TAFA1: variants seen among roughly 807,000 people sequenced by gnomAD.
TAFA1 encodes chemokine-like protein TAFA-1.
TAFA1 carries 4 observed loss-of-function variants against 18.5 expected under a neutral mutation model. The observed-to-expected ratio is 0.22, with a 90% CI of 0.11 to 0.49. The LOEUF (loss-of-function observed/expected upper bound fraction) is 0.49, where lower values mean the gene tolerates loss of function less well. Among genes scored for constraint, TAFA1 ranks in the 20% least tolerant of loss-of-function variants. TAFA1 has a pLI of 0.98. For missense variants in TAFA1, 147 were observed against 169.0 expected (o/e 0.87, Z 0.72); for synonymous variants, 56 against 55.2 (o/e 1.01, Z -0.06).
At chr3:68,155,603 T>A (rs1276155616) in intron 2 of TAFA1, among the ~76,000 whole-genome samples, 1 of 151,996 alleles carries the variant, frequency 6.6e-6, no homozygotes, top group African/African-American at 2.4e-5. Flanking sequence ...GGGAAGTGAT[T>A]GTCCCTTGTG....
intron 2 of TAFA1, among the ~76,000 whole-genome samples, chr3:68,007,973 A>T (rs191126688): frequency 6.6e-6 from 1 of 152,328 alleles, no homozygotes; most frequent in East Asian, 1.9e-4. Flanking sequence ...CGCCTGCACC[A>T]GGCTGCAGCG....
intron 3 of TAFA1, among the ~76,000 whole-genome samples, chr3:68,424,805 T>C (rs1375490246): frequency 6.6e-6 from 1 of 152,038 alleles, no homozygotes; most frequent in Non-Finnish European, 1.5e-5. Flanking sequence ...AAGTAGCTTA[T>C]TAAACTTGAA....
chr3:67,996,169 G>A, the TAFA1 span, among the ~76,000 whole-genome samples: 2 of 152,172 alleles, frequency 1.3e-5, no homozygotes, highest in Non-Finnish European at 2.9e-5. Context: ...TGTTGAGTGA[G>A]TCCTTGGTAA....
At chr3:68,135,920 G>A (rs966227786) in intron 2 of TAFA1, among the ~76,000 whole-genome samples, 2 of 152,030 alleles carry the variant, frequency 1.3e-5, no homozygotes, top group African/African-American at 4.8e-5. Context: ...ATTAAAACCG[G>A]GGAAATTTTG....
rs532596221 is a variant in TAFA1, at chr3:68,069,198, C to T, written c.118+62454C>T. ...TTCACACTGCTGATAAAGACATACC[C>T]GAGACTGGGTAATTTATACAGCAGA... On this transcript the variant is annotated intron_variant, in intron 2 of 4. Coordinates refer to ENST00000478136, the MANE Select transcript of TAFA1 (RefSeq NM_213609.4). Among the ~76,000 whole-genome samples the T allele has an allele frequency of 4.6e-5, 7 of 152,188 alleles. No individual in the cohort carries two copies. In the East Asian group the frequency reaches 7.7e-4, roughly 17 times the overall value.
At chr3:68,388,397 G>T (rs1003843608) in intron 2 of TAFA1, among the ~76,000 whole-genome samples, 12 of 152,120 alleles carry the variant, frequency 7.9e-5, no homozygotes, top group Admixed American at 7.9e-4. Flanking sequence ...AGGCCTCAAT[G>T]TGCATTCACT....
chr3:68,489,288 C>T (rs1014931466), intron 3 of TAFA1, among the ~76,000 whole-genome samples: 7 of 152,186 alleles, frequency 4.6e-5, no homozygotes, highest in South Asian at 2.1e-4. Flanking sequence ...AAAGGAGTAG[C>T]GAATACCTAT....
chr3:68,087,325 T>A (rs2064982418), intron 2 of TAFA1, among the ~76,000 whole-genome samples: 1 of 152,182 alleles, frequency 6.6e-6, no homozygotes, highest in Admixed American at 6.5e-5. Context: ...ATTTTCACTC[T>A]CAGTTAGAGG....
chr3:68,187,607 T>C (rs923060918), intron 2 of TAFA1, among the ~76,000 whole-genome samples: 1 of 151,998 alleles, frequency 6.6e-6, no homozygotes, highest in Non-Finnish European at 1.5e-5. Context: ...CTATTACAAG[T>C]AACAATGCCA....
chr3:68,402,170 C>T (rs549520566), intron 2 of TAFA1, among the ~76,000 whole-genome samples: 18 of 152,168 alleles, frequency 1.2e-4, no homozygotes, highest in Admixed American at 2.6e-4. Context: ...GGAGGATTTC[C>T]GGTATAACTA....
At chr3:68,039,025 C>A (rs1319465249) in intron 2 of TAFA1, among the ~76,000 whole-genome samples, 2 of 152,186 alleles carry the variant, frequency 1.3e-5, no homozygotes, top group South Asian at 4.1e-4. Flanking sequence ...TTCTCTAGTA[C>A]ACTATAAACT....
chr3:68,357,456 G>A (rs1575802191), intron 2 of TAFA1, among the ~76,000 whole-genome samples: 1 of 151,848 alleles, frequency 6.6e-6, no homozygotes, highest in Middle Eastern at 3.4e-3. Context: ...ATAATTTTTT[G>A]GTTTGATTTG....
chr3:68,311,087 T>A (rs2068508205), intron 2 of TAFA1, among the ~76,000 whole-genome samples: 1 of 152,116 alleles, frequency 6.6e-6, no homozygotes, highest in South Asian at 2.1e-4. Context: ...AAAAGAGAGC[T>A]TGTGCAGGGA....
chr3:68,494,403 G>C (rs1237216804), intron 3 of TAFA1, among the ~76,000 whole-genome samples: 5 of 152,154 alleles, frequency 3.3e-5, no homozygotes, highest in Non-Finnish European at 7.3e-5. Context: ...TTGATATCTG[G>C]TATCATTCTC....
chr3:68,471,528 T>C (rs527663211), intron 3 of TAFA1, among the ~76,000 whole-genome samples: 1 of 152,146 alleles, frequency 6.6e-6, no homozygotes, highest in Non-Finnish European at 1.5e-5. Context: ...CAGCATGCCC[T>C]GGATGTGAGA....
intron 2 of TAFA1, among the ~76,000 whole-genome samples, chr3:68,288,012 C>T (rs72926563): frequency 0.025 from 3,828 of 151,846 alleles, 135 homozygotes; most frequent in African/African-American, 0.08. Context: ...GGCCACTGTC[C>T]AGGAGCCATG....
At chr3:68,210,529 T>A (rs146805668) in intron 2 of TAFA1, among the ~76,000 whole-genome samples, 13 of 152,036 alleles carry the variant, frequency 8.6e-5, no homozygotes, top group Non-Finnish European at 1.5e-4. Flanking sequence ...TACCCTTCAG[T>A]CTAGCATAAT....
chr3:68,402,683 T>C (rs2106751548), intron 2 of TAFA1, among the ~76,000 whole-genome samples: 1 of 152,316 alleles, frequency 6.6e-6, no homozygotes, highest in South Asian at 2.1e-4. Flanking sequence ...CTTTTGTTAT[T>C]ACCTCTCAGC....
chr3:68,054,540 C>T (rs1386270988), intron 2 of TAFA1, among the ~76,000 whole-genome samples: 2 of 152,190 alleles, frequency 1.3e-5, no homozygotes, highest in South Asian at 2.1e-4. Flanking sequence ...ACAAAATAGA[C>T]TAAGAAGACA....
Sources: allele counts gnomAD v4.1 joint callset (sites outside exome capture counted in the v4.1 genomes callset), GRCh38; gene constraint gnomAD v4.1.1; transcripts MANE v1.5; gene names NCBI Gene and HGNC (gene_info 2026-07-23, HGNC 2026-07-21).